Variants in RALYL observed in about 807,000 individuals in gnomAD.
RALYL encodes the protein RNA-binding Raly-like protein.
In RALYL, 29 loss-of-function variants were observed where a neutral mutation model predicts 35.1. The observed-to-expected ratio is 0.83, with a 90% CI of 0.61 to 1.13. RALYL has a LOEUF of 1.13. Ranked by LOEUF, RALYL falls within the 50% of genes most tolerant of loss-of-function variation. The pLI is 0.00. For missense variants in RALYL, 359 were observed against 360.4 expected (o/e 1.00, Z 0.03); for synonymous variants, 120 against 127.6 (o/e 0.94, Z 0.40).
intron 2 of RALYL, among the ~76,000 whole-genome samples, chr8:84,537,202 G>A (rs529743724): frequency 6.7e-6 from 1 of 150,282 alleles, no homozygotes; most frequent in Non-Finnish European, 1.5e-5. Flanking sequence ...GGGCGCAGTG[G>A]CTCACACCTA....
intron 6 of RALYL, chr8:84,864,791 G>T (rs1838845066): frequency 1.6e-6 from 1 of 615,074 alleles, no homozygotes; most frequent in Non-Finnish European, 3.1e-6. Context: ...CTCCAAGCCA[G>T]CCCTGCAGCA....
chr8:84,607,932 T>A (rs1817511809), intron 2 of RALYL, among the ~76,000 whole-genome samples: 1 of 151,990 alleles, frequency 6.6e-6, no homozygotes, highest in Middle Eastern at 3.2e-3. Flanking sequence ...TTTTTTTTTT[T>A]TATTAGCTTC....
At chr8:84,853,383 G>C (rs1014273422) in intron 5 of RALYL, among the ~76,000 whole-genome samples, 4 of 152,206 alleles carry the variant, frequency 2.6e-5, no homozygotes, top group African/African-American at 4.8e-5. Flanking sequence ...GATGGATGGA[G>C]ATAGATCGAC....
At chr8:84,786,982 G>T (rs1423867611) in intron 3 of RALYL, among the ~76,000 whole-genome samples, 3 of 152,070 alleles carry the variant, frequency 2.0e-5, no homozygotes, top group African/African-American at 7.2e-5. Flanking sequence ...TTCTTTGTAT[G>T]GTGGGAATAT....
intron 2 of RALYL, among the ~76,000 whole-genome samples, chr8:84,676,204 A>G (rs891886213): frequency 6.6e-6 from 1 of 152,208 alleles, no homozygotes; most frequent in African/African-American, 2.4e-5. Context: ...GATCCAAGTA[A>G]TTGCAATTGC....
intron 1 of RALYL, among the ~76,000 whole-genome samples, chr8:84,344,081 C>T (rs115152002): frequency 4.0e-5 from 6 of 151,746 alleles, no homozygotes; most frequent in Non-Finnish European, 5.9e-5. Flanking sequence ...TGCAATCTTG[C>T]GCAACAGGAA....
At chr8:84,215,723 G>A (rs1820651770) in intron 1 of RALYL, among the ~76,000 whole-genome samples, 1 of 151,966 alleles carries the variant, frequency 6.6e-6, no homozygotes, top group African/African-American at 2.4e-5. Context: ...CGGAGGTTTG[G>A]TTGGCTTTAG....
chr8:84,524,282 T>A (rs2134767491), intron 1 of RALYL, among the ~76,000 whole-genome samples: 1 of 152,196 alleles, frequency 6.6e-6, no homozygotes, highest in African/African-American at 2.4e-5. Context: ...CATCAAAAAG[T>A]GGGCGAAGGA....
At chr8:84,335,961 G>A (rs537081031) in intron 1 of RALYL, among the ~76,000 whole-genome samples, 1 of 152,092 alleles carries the variant, frequency 6.6e-6, no homozygotes, top group Non-Finnish European at 1.5e-5. Context: ...TGAAGAAAAA[G>A]TTTAATTTCT....
At position 84,747,826 on chromosome 8, in the gene RALYL, T is replaced by A. The variant is rs542559603; in HGVS notation, c.257-26753T>A. Among the ~76,000 whole-genome samples, 7 of 152,096 alleles carry A rather than the reference T, an allele frequency of 4.6e-5. No individual in the cohort carries two copies. The South Asian group carries it at 1.5e-3, about 32-fold the overall frequency. ...GAATCTAAATCATGTGATAGACATT[T>A]GTCACTTAATCACATATTTGAGCCA... On this transcript the variant is annotated intron_variant, in intron 2 of 8. Coordinates refer to ENST00000521268, the MANE Select transcript of RALYL (RefSeq NM_173848.7).
At chr8:84,214,534 T>C (rs144867815) in intron 1 of RALYL, among the ~76,000 whole-genome samples, 1,526 of 152,312 alleles carry the variant, frequency 0.01, 29 homozygotes, top group African/African-American at 0.034. Flanking sequence ...TGACTTATTT[T>C]GCCCTTTTAG....
At chr8:84,514,434 T>G (rs2057894772) in intron 1 of RALYL, among the ~76,000 whole-genome samples, 1 of 152,208 alleles carries the variant, frequency 6.6e-6, no homozygotes, top group African/African-American at 2.4e-5. Context: ...CTCACAGTTT[T>G]AGAGTCTGGA....
chr8:84,887,689 G>GATCACTGGC lies in RALYL; in HGVS notation c.771_772insATCACTGGC (p.Glu257_Pro258insIleThrGly). On this transcript the variant is annotated inframe_insertion, in exon 8 of 9. Coordinates refer to ENST00000521268, the MANE Select transcript of RALYL (RefSeq NM_173848.7). Reference sequence around the variant, plus strand: ...AGATTGCAGATCACTCTACAGAGGAGCCTGCTGAAGGAGGGCCAGATGCCG... The same window carrying GATCACTGGC: ...AGATTGCAGATCACTCTACAGAGGAGATCACTGGCCCTGCTGAAGGAGGGCCAGATGCCG... 1 of 1,613,874 alleles carries GATCACTGGC rather than the reference G, an allele frequency of 6.2e-7. No homozygotes were observed. Among genetic ancestry groups the GATCACTGGC allele is most frequent in the Non-Finnish European group, 8.5e-7 (1 of 1,179,792 alleles).
chr8:84,442,084 C>G (rs1290213902), intron 1 of RALYL, among the ~76,000 whole-genome samples: 1 of 152,016 alleles, frequency 6.6e-6, no homozygotes, highest in Non-Finnish European at 1.5e-5. Flanking sequence ...GGAGCACCAA[C>G]AAAGGCAAAA....
intron 1 of RALYL, among the ~76,000 whole-genome samples, chr8:84,354,159 A>G (rs545243110): frequency 2.0e-5 from 3 of 150,102 alleles, no homozygotes; most frequent in African/African-American, 7.4e-5. Context: ...TTTGCATAAT[A>G]ATAATTTTTC....
chr8:84,469,221 GC>G (rs1436121206), intron 1 of RALYL, among the ~76,000 whole-genome samples: 1 of 152,092 alleles, frequency 6.6e-6, no homozygotes, highest in Non-Finnish European at 1.5e-5. Context: ...GAGGCTCTCT[GC>G]TTTTTAGAGT....
rs80141659 is a variant in RALYL, at chr8:84,633,616, A to G, written c.256+104039A>G. 8.0e-3 allele frequency among the ~76,000 whole-genome samples: 1,220 copies of G among 151,980 alleles called. 15 individuals are homozygous for G. Among genetic ancestry groups the G allele is most frequent in the African/African-American group, 0.027 (1,129 of 41,520 alleles). On this transcript the variant is annotated intron_variant, in intron 2 of 8. Coordinates refer to ENST00000521268, the MANE Select transcript of RALYL (RefSeq NM_173848.7). ...GCAACAAAATAGTAACAGTAACAAC[A>G]AAACATTGTAAAAGAGGCTATGAGT...
chr8:84,555,269 C>T (rs2061031924), intron 2 of RALYL, among the ~76,000 whole-genome samples: 2 of 150,626 alleles, frequency 1.3e-5, no homozygotes, highest in Admixed American at 6.6e-5. Flanking sequence ...CAGAGTGAGA[C>T]TCCATCTCAA....
intron 1 of RALYL, among the ~76,000 whole-genome samples, chr8:84,515,459 G>T (rs2057986689): frequency 6.6e-6 from 1 of 152,106 alleles, no homozygotes; most frequent in Admixed American, 6.6e-5. Flanking sequence ...TCCTTTCAAT[G>T]TGGTTCCTAA....
Sources: allele counts gnomAD v4.1 joint callset (sites outside exome capture counted in the v4.1 genomes callset), GRCh38; gene constraint gnomAD v4.1.1; transcripts MANE v1.5; gene names NCBI Gene and HGNC (gene_info 2026-07-23, HGNC 2026-07-21).